Variants in MTMR9 observed in about 807,000 individuals in gnomAD.
The protein encoded by MTMR9 is myotubularin-related protein 9.
In MTMR9, 39 loss-of-function variants were observed where a neutral mutation model predicts 69.5. The ratio of observed to expected loss-of-function variants is 0.56; its 90% CI spans 0.43 to 0.73. The LOEUF is 0.73. Among genes scored for constraint, MTMR9 ranks in the 30% least tolerant of loss-of-function variants. The pLI is 0.00. For synonymous variants in MTMR9, 354 were observed against 240.8 expected, an observed-to-expected ratio of 1.47 and a Z score of -4.35; for missense variants, 900 against 671.2, an observed-to-expected ratio of 1.34 and a Z score of -3.77.
Position 11,284,885 on chromosome 8 carries a change from G to GT in MTMR9, c.-4_-3insT. ...CGGTTCCCTGGCTCCGGCCGCGGGG[G>GT]AGCATGGAGTTTGCGGAGCTGATTA... On this transcript the variant is annotated 5_prime_UTR_variant, in exon 1 of 10. Transcript: ENST00000221086. 6.3e-7 allele frequency: 1 copy of GT among 1,599,784 alleles called. No individual in the cohort carries two copies. Among genetic ancestry groups the GT allele is most frequent in the Non-Finnish European group, 8.5e-7 (1 of 1,172,770 alleles).
At chr8:11,331,127 C>T, downstream of MTMR9, 2 of 1,603,952 alleles carry the variant, frequency 1.2e-6, no homozygotes, top group Admixed American at 1.7e-5. Context: ...GTCACCCCTA[C>T]TTCAACCTGC....
chr8:11,291,270 G>A (rs1799372675), intron 1 of MTMR9, among the ~76,000 whole-genome samples: 1 of 152,064 alleles, frequency 6.6e-6, no homozygotes, highest in African/African-American at 2.4e-5. Flanking sequence ...TCCCTTAGTG[G>A]AACTTTAAGA....
chr8:11,295,237 T>A lies in MTMR9; in HGVS notation c.226T>A (p.Phe76Ile). ...TACCATCATCATAAAATGTAAAGAT[T>A]TTCGAATTATTCAGTTGGATATTCC... ...LGTIIIKCKD[F>I]RIIQLDIPGM... Residue 76 changes from phenylalanine to isoleucine, a missense_variant, in exon 2 of 10, where the codon TTT becomes ATT. Physicochemically the swap from Phe to Ile is conservative, Grantham distance 21. Coordinates refer to ENST00000221086, the MANE Select transcript of MTMR9 (RefSeq NM_015458.4). 1.9e-6 allele frequency: 3 copies of A among 1,611,614 alleles called. No individual in the cohort carries two copies. The highest frequency in any genetic ancestry group is 2.2e-5 in the South Asian group (2 of 90,900).
In MTMR9 at chr8:11,304,987, A is replaced by C. The variant is rs2164272; in HGVS notation, c.564A>C (p.Leu188=). 659,958 of 1,613,482 alleles carry C rather than the reference A, an allele frequency of 0.41. 139,494 individuals are homozygous for C. The highest frequency in any genetic ancestry group is 0.69 in the East Asian group (31,145 of 44,858). Residue 188 remains leucine, a synonymous_variant, in exon 4 of 10, where the codon CTA becomes CTC. Transcript: ENST00000221086. ...TFRHGGRFPV[L]SYYHKKNGMV... The stretch of plus-strand genomic sequence containing the variant: ...GACATGGAGGGCGCTTCCCAGTACT[A>C]AGCTATTACCACAAAAAAAATGGGA...
the MTMR9 span, among the ~76,000 whole-genome samples, chr8:11,333,164 A>G: frequency 6.6e-6 from 1 of 152,208 alleles, no homozygotes. Flanking sequence ...CCTCTACAAC[A>G]ACCTCTAATA....
intron 9 of MTMR9, chr8:11,321,732 A>G (rs988666562): frequency 2.2e-4 from 62 of 286,010 alleles, no homozygotes; most frequent in Middle Eastern, 1.3e-3. Flanking sequence ...TAATATTTAG[A>G]AATTCCTGAA....
At chr8:11,319,947 C>G in intron 9 of MTMR9, 109 bp downstream of exon 9, 1 of 1,059,972 alleles carries the variant, frequency 9.4e-7, no homozygotes, top group Non-Finnish European at 1.3e-6. Context: ...ACGTGGCCCT[C>G]AGACCTGTGT....
intron 3 of MTMR9, among the ~76,000 whole-genome samples, chr8:11,302,090 C>T (rs1799764941): frequency 6.6e-6 from 1 of 151,632 alleles, no homozygotes; most frequent in Admixed American, 6.6e-5. Flanking sequence ...GAAACCCCAT[C>T]TCTATGAAAA....
At chr8:11,337,494 A>G in the MTMR9 span, among the ~76,000 whole-genome samples, 2 of 152,200 alleles carry the variant, frequency 1.3e-5, no homozygotes, top group African/African-American at 4.8e-5. Context: ...TGTCTTCCTC[A>G]GACATCTCAG....
the MTMR9 span, among the ~76,000 whole-genome samples, chr8:11,333,866 A>G: frequency 2.0e-5 from 3 of 152,224 alleles, no homozygotes; most frequent in Admixed American, 6.5e-5. Context: ...TTGAAATTTA[A>G]TTGCCATTGT....
intron 2 of MTMR9, among the ~76,000 whole-genome samples, chr8:11,296,528 A>G (rs1286594080): frequency 6.6e-6 from 1 of 152,192 alleles, no homozygotes; most frequent in Non-Finnish European, 1.5e-5. Context: ...TGTGTTAAAC[A>G]ACACCCCATT....
the MTMR9 span, among the ~76,000 whole-genome samples, chr8:11,333,732 A>G: frequency 2.6e-5 from 4 of 152,274 alleles, no homozygotes; most frequent in Non-Finnish European, 5.9e-5. Context: ...GATTTGCCAT[A>G]CAAGAAATGC....
Position 11,309,379 on chromosome 8 carries a change from T to C in MTMR9, c.810-148T>C, listed in dbSNP as rs1800098716. 12 of 695,476 alleles carry C rather than the reference T, an allele frequency of 1.7e-5. No individual in the cohort carries two copies. In the South Asian group the frequency reaches 2.5e-4, roughly 14 times the overall value. 43.1% of individuals were successfully genotyped at this position (695,476 alleles called of 1,614,324 possible). On this transcript the variant is annotated intron_variant, in intron 5 of 9. Transcript: ENST00000221086. ...GTTTAAATATTAGTTTTTCAACCTT[T>C]AATCCTCAAATTATAGCAGGGTAAA...
chr8:11,299,921 C>T, intron 2 of MTMR9, 102 bp from the exon 3 acceptor site: 5 of 1,304,690 alleles, frequency 3.8e-6, no homozygotes, highest in Non-Finnish European at 4.2e-6. Flanking sequence ...TCTGGGTGCC[C>T]ATCATTATTA....
intron 9 of MTMR9, chr8:11,320,789 A>G (rs1334581785): frequency 6.6e-6 from 1 of 152,284 alleles, no homozygotes; most frequent in Non-Finnish European, 1.5e-5. Context: ...ATAGTGTTTC[A>G]TTAAACAAAG....
the MTMR9 span, among the ~76,000 whole-genome samples, chr8:11,338,710 C>T: frequency 6.6e-6 from 1 of 152,136 alleles, no homozygotes; most frequent in African/African-American, 2.4e-5. Context: ...CGTCAGCTGG[C>T]ACGATGAAAA....
downstream of MTMR9, among the ~76,000 whole-genome samples, chr8:11,330,408 C>G (rs1305822885): frequency 6.6e-6 from 1 of 152,230 alleles, no homozygotes; most frequent in African/African-American, 2.4e-5. Flanking sequence ...ACCACCCCGT[C>G]TGGGAGGTGT....
intron 7 of MTMR9, 26 bp downstream of exon 7, chr8:11,315,090 A>G (rs769848061): frequency 6.2e-7 from 1 of 1,605,256 alleles, no homozygotes; most frequent in African/African-American, 1.3e-5. Flanking sequence ...TGATTCACAG[A>G]GGAACTGCTT....
chr8:11,303,337 T>C (rs957335991), intron 3 of MTMR9, among the ~76,000 whole-genome samples: 5 of 151,480 alleles, frequency 3.3e-5, no homozygotes, highest in African/African-American at 1.2e-4. Flanking sequence ...AAATCAATAA[T>C]AATATATCAT....
Sources: allele counts gnomAD v4.1 joint callset (sites outside exome capture counted in the v4.1 genomes callset), GRCh38; gene constraint gnomAD v4.1.1; transcripts MANE v1.5; gene names NCBI Gene and HGNC (gene_info 2026-07-23, HGNC 2026-07-21).